WWOX: variants seen among roughly 807,000 people sequenced by gnomAD.
WWOX encodes WW domain-containing oxidoreductase.
WWOX carries 69 observed loss-of-function variants against 46.2 expected under a neutral mutation model. The observed-to-expected ratio is 1.49, with a 90% CI of 1.23 to 1.82. WWOX has a LOEUF of 1.82. Among genes scored for constraint, WWOX ranks in the 40% most tolerant of loss-of-function variants. The pLI is 0.00. For synonymous variants in WWOX, 359 were observed against 202.6 expected (o/e 1.77, Z -6.56); for missense variants, 919 against 542.6 (o/e 1.69, Z -6.89).
At chr16:78,763,118 C>A (rs767068374) in intron 8 of WWOX, among the ~76,000 whole-genome samples, 10 of 152,154 alleles carry the variant, frequency 6.6e-5, no homozygotes, top group African/African-American at 9.7e-5. Context: ...CTATTGTAGG[C>A]TGTGGAGATA....
chr16:78,590,639 G>C (rs1392054213), intron 8 of WWOX, among the ~76,000 whole-genome samples: 2 of 151,220 alleles, frequency 1.3e-5, no homozygotes, highest in African/African-American at 4.8e-5. Flanking sequence ...GAAATGTCTT[G>C]TAACTCAGTA....
intron 8 of WWOX, among the ~76,000 whole-genome samples, chr16:78,558,295 C>T (rs915685184): frequency 2.0e-5 from 3 of 152,192 alleles, no homozygotes; most frequent in Admixed American, 6.5e-5. Context: ...CTAGAAGCTG[C>T]AAATTGCTGG....
At chr16:78,230,782 T>C (rs891927259) in intron 5 of WWOX, among the ~76,000 whole-genome samples, 5 of 152,214 alleles carry the variant, frequency 3.3e-5, no homozygotes, top group African/African-American at 1.2e-4. Context: ...GCTAGGAGTA[T>C]AGACTAGGGG....
chr16:78,789,467 G>A (rs929417287), intron 8 of WWOX, among the ~76,000 whole-genome samples: 1 of 152,108 alleles, frequency 6.6e-6, no homozygotes, highest in Non-Finnish European at 1.5e-5. Context: ...ATAAATGTAA[G>A]TATTTCTTTC....
intron 8 of WWOX, among the ~76,000 whole-genome samples, chr16:79,131,556 A>C (rs536805014): frequency 1.3e-5 from 2 of 152,314 alleles, no homozygotes; most frequent in East Asian, 3.9e-4. Context: ...CCCAGGAGCC[A>C]GTAAATCAAC....
intron 8 of WWOX, among the ~76,000 whole-genome samples, chr16:78,645,693 G>T (rs1002839090): frequency 1.3e-5 from 2 of 152,094 alleles, no homozygotes. Flanking sequence ...ATCTAGCCAT[G>T]AGGGATCCAC....
At chr16:78,154,763 G>T (rs980612754) in intron 4 of WWOX, among the ~76,000 whole-genome samples, 1 of 152,060 alleles carries the variant, frequency 6.6e-6, no homozygotes, top group African/African-American at 2.4e-5. Flanking sequence ...GACATAGTAG[G>T]GTTTGACATG....
intron 8 of WWOX, among the ~76,000 whole-genome samples, chr16:78,746,521 T>C (rs1481514504): frequency 6.6e-6 from 1 of 152,058 alleles, no homozygotes; most frequent in South Asian, 2.1e-4. Flanking sequence ...ATACTAGATA[T>C]CAGCACCCTT....
chr16:78,692,518 G>A (rs1056633626), intron 8 of WWOX, among the ~76,000 whole-genome samples: 11 of 152,134 alleles, frequency 7.2e-5, no homozygotes, highest in Admixed American at 7.2e-4. Context: ...CTGCCTTTGG[G>A]TTCTAAGACG....
At chr16:78,445,480 A>G (rs568166327) in intron 8 of WWOX, among the ~76,000 whole-genome samples, 1 of 152,346 alleles carries the variant, frequency 6.6e-6, no homozygotes, top group African/African-American at 2.4e-5. Context: ...TTGGGAAGAC[A>G]GATGATAGGC....
Position 78,764,443 on chromosome 16 carries a change from C to T in WWOX, c.1056+331691C>T, listed in dbSNP as rs138691940. 7.8e-3 allele frequency among the ~76,000 whole-genome samples: 1,174 copies of T among 150,748 alleles called. 7 individuals carry two copies. The highest frequency in any genetic ancestry group is 0.019 in the South Asian group (87 of 4,608). On this transcript the variant is annotated intron_variant, in intron 8 of 8. Transcript: ENST00000566780. ...GGGAAATTGGTATGGTAGGGAGGTG[C>T]TTCTTCTGGGAGTGGGTTTGTAAAA...
intron 8 of WWOX, chr16:78,872,705 C>T (rs2044153694): frequency 6.6e-6 from 1 of 152,214 alleles, no homozygotes; most frequent in Non-Finnish European, 1.5e-5. Flanking sequence ...CAACCACTCC[C>T]TGCGTTTCTC....
At chr16:78,718,780 T>C (rs756459465) in intron 8 of WWOX, among the ~76,000 whole-genome samples, 3 of 152,136 alleles carry the variant, frequency 2.0e-5, no homozygotes, top group Non-Finnish European at 4.4e-5. Context: ...GTGACACATA[T>C]TTATTGAGAC....
At chr16:79,183,912 G>A (rs1165035874) in intron 8 of WWOX, among the ~76,000 whole-genome samples, 1 of 152,120 alleles carries the variant, frequency 6.6e-6, no homozygotes, top group South Asian at 2.1e-4. Context: ...TTAGAGCTTC[G>A]AGACCTGCCA....
rs115176351 is a variant in WWOX at position 79,025,164 on chromosome 16, C to T, written c.1057-186444C>T. On this transcript the variant is annotated intron_variant, in intron 8 of 8. Transcript: ENST00000566780. ...GTTTTGCTTGTTGAGCAAGGGAATG[C>T]GGTTCCCCTGTGTCGGACTTGTTTC... Among the ~76,000 whole-genome samples the T allele has an allele frequency of 3.8e-3, 572 of 152,126 alleles. 4 individuals are homozygous for T. Among genetic ancestry groups the T allele is most frequent in the African/African-American group, 0.013 (539 of 41,468 alleles).
chr16:78,769,359 C>T (rs73573762), intron 8 of WWOX, among the ~76,000 whole-genome samples: 4 of 152,232 alleles, frequency 2.6e-5, no homozygotes, highest in African/African-American at 7.2e-5. Flanking sequence ...TCTTGCTCCG[C>T]CCCCTCTCTT....
chr16:78,909,138 A>G (rs1030127715), intron 8 of WWOX, among the ~76,000 whole-genome samples: 2 of 152,332 alleles, frequency 1.3e-5, no homozygotes, highest in Admixed American at 1.3e-4. Context: ...TAGAAGCAAG[A>G]TAGAGTCAGT....
chr16:78,563,163 C>T (rs1294454032), intron 8 of WWOX, among the ~76,000 whole-genome samples: 1 of 152,146 alleles, frequency 6.6e-6, no homozygotes, highest in African/African-American at 2.4e-5. Flanking sequence ...AAAAGGATGT[C>T]TGCAATCAAG....
chr16:78,672,099 C>T (rs906913945), intron 8 of WWOX, among the ~76,000 whole-genome samples: 1 of 152,174 alleles, frequency 6.6e-6, no homozygotes, highest in Admixed American at 6.5e-5. Context: ...CAACTCTCCA[C>T]TTTTGTAAAA....
Sources: gnomAD v4.1 joint callset for allele counts (sites outside exome capture counted in the v4.1 genomes callset) on GRCh38, gnomAD v4.1.1 for gene constraint, MANE v1.5 for transcripts, NCBI Gene and HGNC (gene_info 2026-07-23, HGNC 2026-07-21) for gene names.